Variants in TOLLIP observed in about 807,000 individuals in gnomAD.
TOLLIP encodes toll interacting protein.
In TOLLIP, 16 loss-of-function variants were observed where a neutral mutation model predicts 33.5. The observed-to-expected ratio is 0.48, with a 90% CI of 0.32 to 0.72. The LOEUF (loss-of-function observed/expected upper bound fraction) is 0.72, where lower values mean the gene tolerates loss of function less well. Among genes scored for constraint, TOLLIP ranks in the 30% least tolerant of loss-of-function variants. The pLI is 0.03. For missense variants in TOLLIP, 325 were observed against 396.6 expected (o/e 0.82, Z 1.53); for synonymous variants, 176 against 163.7 (o/e 1.07, Z -0.57).
At chr11:1,284,788 G>A (rs1023728597) in intron 5 of TOLLIP, among the ~76,000 whole-genome samples, 1 of 152,244 alleles carries the variant, frequency 6.6e-6, no homozygotes, top group Non-Finnish European at 1.5e-5. Context: ...ATGTGAGCAA[G>A]TGAGGGCGAG....
At chr11:1,307,792 A>G (rs5743862) in intron 1 of TOLLIP, among the ~76,000 whole-genome samples, 3,451 of 152,236 alleles carry the variant, frequency 0.023, 55 homozygotes, top group Non-Finnish European at 0.033. Context: ...ACCTCTGCCG[A>G]CCCGTAGGCT....
intron 2 of TOLLIP, among the ~76,000 whole-genome samples, chr11:1,293,781 C>G (rs993254961): frequency 4.6e-5 from 7 of 152,228 alleles, no homozygotes; most frequent in Non-Finnish European, 2.9e-5. Context: ...GTCACCAGGC[C>G]CTGCCAGGAG....
At chr11:1,280,672 G>A (rs896243066) in intron 5 of TOLLIP, among the ~76,000 whole-genome samples, 2 of 152,000 alleles carry the variant, frequency 1.3e-5, no homozygotes, top group Non-Finnish European at 2.9e-5. Flanking sequence ...CTGGGGAGGC[G>A]CCGGACGCCC....
chr11:1,287,574 GCACCCTCCC>G (rs1863770610), intron 4 of TOLLIP, among the ~76,000 whole-genome samples: 1 of 11,038 alleles, frequency 9.1e-5, no homozygotes, highest in African/African-American at 4.3e-4. Context: ...CCTCCCCGCC[GCACCCTCCC>G]CGCCGCAGCC....
At chr11:1,281,944 G>A (rs1053755315) in intron 5 of TOLLIP, among the ~76,000 whole-genome samples, 4 of 152,242 alleles carry the variant, frequency 2.6e-5, no homozygotes, top group African/African-American at 4.8e-5. Flanking sequence ...CGCAGACTTC[G>A]CCCTTCAGCT....
At position 1,290,136 on chromosome 11, in the gene TOLLIP, C is replaced by A; in HGVS notation, c.366+91G>T. The A allele has an allele frequency of 2.1e-6, 3 of 1,406,988 alleles. No individual in the cohort carries two copies. Among genetic ancestry groups the A allele is most frequent in the East Asian group, 2.4e-5 (1 of 41,178 alleles). 87.2% of individuals were successfully genotyped at this position (1,406,988 alleles called of 1,614,324 possible). ...GTGGGGAGCCACGCCTCGAAGCCAG[C>A]CAGGAACGTGGCTGTGTTGGCAGGT... On this transcript the variant is annotated intron_variant, in intron 3 of 5. Transcript: ENST00000317204. The surrounding 1 kb of genome is among the most constrained non-coding windows in gnomAD (Gnocchi z 4.9).
rs1296446010 is a variant in TOLLIP at position 1,276,689 on chromosome 11, T to A, written c.*350A>T. Reference sequence around the variant, plus strand: ...ACATCACAAAATGCCATGAATGGAATCGGAAGGCGCTCCACCACCTCCAAC... The same window carrying A: ...ACATCACAAAATGCCATGAATGGAAACGGAAGGCGCTCCACCACCTCCAAC... On this transcript the variant is annotated 3_prime_UTR_variant, in exon 6 of 6. Transcript: ENST00000317204. 5.0e-6 allele frequency: 7 copies of A among 1,388,968 alleles called. No individual in the cohort carries two copies. Among genetic ancestry groups the A allele is most frequent in the East Asian group, 3.7e-5 (1 of 26,894 alleles). 86.0% of individuals were successfully genotyped at this position (1,388,968 alleles called of 1,614,324 possible). A position where few individuals can be genotyped will look rare whatever the true frequency, so the allele number is the denominator to read the frequency against.
At chr11:1,295,199 G>A (rs1864072227) in intron 2 of TOLLIP, among the ~76,000 whole-genome samples, 1 of 152,254 alleles carries the variant, frequency 6.6e-6, no homozygotes, top group Non-Finnish European at 1.5e-5. Flanking sequence ...AGACCACTAA[G>A]CAACCACGGG....
chr11:1,295,554 T>C, intron 2 of TOLLIP, 91 bp downstream of exon 2: 2 of 1,376,348 alleles, frequency 1.5e-6, no homozygotes, highest in South Asian at 3.2e-5. Context: ...TTTGCCCGCT[T>C]AGGAAATGCA....
At chr11:1,306,363 A>T (rs1476308218) in intron 1 of TOLLIP, among the ~76,000 whole-genome samples, 1 of 151,726 alleles carries the variant, frequency 6.6e-6, no homozygotes, top group Non-Finnish European at 1.5e-5. Flanking sequence ...CTGCTCCTTC[A>T]CGGCCCATGG....
rs143013859 is a variant in TOLLIP, at chr11:1,286,138, C to T, written c.520-46G>A. Reference sequence around the variant, plus strand: ...TCCCGGGGTCAAGGAGGAACATCCACCCATCAGAACCTCGGGAATCGCCCT... The same window carrying T: ...TCCCGGGGTCAAGGAGGAACATCCATCCATCAGAACCTCGGGAATCGCCCT... On this transcript the variant is annotated intron_variant, in intron 4 of 5. Coordinates refer to ENST00000317204, the MANE Select transcript of TOLLIP (RefSeq NM_019009.4). 422 of 1,447,196 alleles carry T rather than the reference C, an allele frequency of 2.9e-4. 2 individuals are homozygous for T. In the African/African-American group the frequency reaches 5.3e-3, roughly 18 times the overall value. The allele number at this position is 1,447,196 out of a possible 1,614,324, so 89.6% of individuals were successfully genotyped here.
At chr11:1,299,848 T>A (rs1225582943) in intron 1 of TOLLIP, among the ~76,000 whole-genome samples, 1 of 152,192 alleles carries the variant, frequency 6.6e-6, no homozygotes, top group African/African-American at 2.4e-5. Flanking sequence ...GCCAGGCACA[T>A]CCACCCAGCG....
intron 5 of TOLLIP, among the ~76,000 whole-genome samples, chr11:1,281,617 G>A (rs1383224606): frequency 6.6e-6 from 1 of 152,204 alleles, no homozygotes; most frequent in Non-Finnish European, 1.5e-5. Context: ...GAGAAGCAGG[G>A]CCCTAAGAAG....
chr11:1,295,524 A>C, intron 2 of TOLLIP, 121 bp downstream of exon 2: 1 of 1,246,998 alleles, frequency 8.0e-7, no homozygotes, highest in Non-Finnish European at 1.1e-6. Flanking sequence ...TTTCAGGAAA[A>C]GCGGGAATCA....
In TOLLIP at chr11:1,287,876, C is replaced by CCTGCCGCACCCTCT. The variant is rs1299688018; in HGVS notation, c.519+747_519+748insAGAGGGTGCGGCAG. 1.9e-4 allele frequency among the ~76,000 whole-genome samples: 20 copies of CCTGCCGCACCCTCT among 107,718 alleles called. 6 individuals are homozygous for CCTGCCGCACCCTCT. Among genetic ancestry groups the CCTGCCGCACCCTCT allele is most frequent in the Admixed American group, 9.9e-4 (9 of 9,108 alleles). 70.7% of individuals were successfully genotyped at this position (107,718 alleles called of 152,430 possible). A position where few individuals can be genotyped will look rare whatever the true frequency, so the allele number is the denominator to read the frequency against. On this transcript the variant is annotated intron_variant, in intron 4 of 5. Transcript: ENST00000317204. Reference sequence around the variant, plus strand: ...GCCGCACCCTCTCTGCTGCAGCCTCCCTGCTGCACCCTCCCTGCTGCACCC... The same window carrying CCTGCCGCACCCTCT: ...GCCGCACCCTCTCTGCTGCAGCCTCCCTGCCGCACCCTCTCTGCTGCACCCTCCCTGCTGCACCC...
chr11:1,301,811 G>A (rs1395137018), intron 1 of TOLLIP, among the ~76,000 whole-genome samples: 1 of 152,210 alleles, frequency 6.6e-6, no homozygotes, highest in Non-Finnish European at 1.5e-5. Context: ...GGCTGGGCTC[G>A]TGGCTAAAGG....
rs1278663768 is a variant in TOLLIP at position 1,276,851 on chromosome 11, C to T, written c.*188G>A. On this transcript the variant is annotated 3_prime_UTR_variant, in exon 6 of 6. Coordinates refer to ENST00000317204, the MANE Select transcript of TOLLIP (RefSeq NM_019009.4). ...GATGGGAGGGGAGCCCCCGCCCCGT[C>T]CTGGACCGCCAGGAACCGAAAACCC... The T allele has an allele frequency of 1.3e-6, 2 of 1,534,078 alleles. No individual in the cohort carries two copies. Among genetic ancestry groups the T allele is most frequent in the South Asian group, 2.4e-5 (2 of 83,582 alleles).
intron 1 of TOLLIP, among the ~76,000 whole-genome samples, chr11:1,297,944 G>A (rs752083742): frequency 2.6e-5 from 4 of 152,340 alleles, no homozygotes; most frequent in East Asian, 1.9e-4. Flanking sequence ...AGGGCCCTTC[G>A]CCTGCCTCCC....
At chr11:1,294,105 GC>G (rs1291434516) in intron 2 of TOLLIP, among the ~76,000 whole-genome samples, 8 of 151,272 alleles carry the variant, frequency 5.3e-5, no homozygotes, top group African/African-American at 1.7e-4. Context: ...TTCTACGAAA[GC>G]CCGCGTGGCT....
Sources: allele counts gnomAD v4.1 joint callset (sites outside exome capture counted in the v4.1 genomes callset), GRCh38; gene constraint gnomAD v4.1.1; non-coding constraint Gnocchi (gnomAD v3.1); transcripts MANE v1.5; gene names NCBI Gene and HGNC (gene_info 2026-07-23, HGNC 2026-07-21).